INPP4B: variants seen among roughly 807,000 people sequenced by gnomAD.
The protein encoded by INPP4B is inositol polyphosphate-4-phosphatase type II B.
In INPP4B, 55 loss-of-function variants were observed where a neutral mutation model predicts 122.5. That is an observed-to-expected ratio of 0.45 (90% CI 0.36 to 0.56). The LOEUF (loss-of-function observed/expected upper bound fraction) is 0.56, where lower values mean the gene tolerates loss of function less well. Among genes scored for constraint, INPP4B ranks in the 20% least tolerant of loss-of-function variants. The pLI is 0.00. For missense variants in INPP4B, 1,000 were observed against 1,097.7 expected (o/e 0.91, Z 1.26); for synonymous variants, 403 against 388.7 (o/e 1.04, Z -0.43).
intron 2 of INPP4B, among the ~76,000 whole-genome samples, chr4:142,699,595 T>C (rs1761458392): frequency 6.6e-6 from 1 of 152,200 alleles, no homozygotes; most frequent in African/African-American, 2.4e-5. Flanking sequence ...AAATATATTA[T>C]ACATCCCTGA....
At chr4:142,344,419 G>A (rs931419) in intron 7 of INPP4B, among the ~76,000 whole-genome samples, 42,114 of 151,954 alleles carry the variant, frequency 0.28, 7,276 homozygotes, top group Non-Finnish European at 0.39. Context: ...GAAAATGTAT[G>A]TGTGGTGAGT....
intron 15 of INPP4B, among the ~76,000 whole-genome samples, chr4:142,184,374 C>T (rs1426976249): frequency 6.6e-6 from 1 of 152,108 alleles, no homozygotes; most frequent in Non-Finnish European, 1.5e-5. Context: ...AATGTTATAC[C>T]TGCCAAATAG....
chr4:142,477,956 C>T (rs1015179687), intron 2 of INPP4B, among the ~76,000 whole-genome samples: 1 of 152,138 alleles, frequency 6.6e-6, no homozygotes, highest in Non-Finnish European at 1.5e-5. Flanking sequence ...GTATGCACCA[C>T]CACACCTAGC....
intron 2 of INPP4B, among the ~76,000 whole-genome samples, chr4:142,542,342 A>G (rs1298948341): frequency 1.3e-5 from 2 of 152,170 alleles, no homozygotes; most frequent in African/African-American, 2.4e-5. Context: ...CATGGTTCCT[A>G]TGTTCTGATT....
intron 2 of INPP4B, among the ~76,000 whole-genome samples, chr4:142,714,033 G>C (rs1414522890): frequency 1.3e-5 from 2 of 152,092 alleles, no homozygotes; most frequent in East Asian, 3.9e-4. Flanking sequence ...GAAAATGCTG[G>C]ATTAAACAAA....
chr4:142,223,857 T>A (rs1850403757), intron 12 of INPP4B, among the ~76,000 whole-genome samples: 1 of 152,190 alleles, frequency 6.6e-6, no homozygotes, highest in Non-Finnish European at 1.5e-5. Flanking sequence ...TTTTGGATCC[T>A]TCGTTCTTTG....
intron 1 of INPP4B, among the ~76,000 whole-genome samples, chr4:142,835,213 G>C (rs779994910): frequency 6.6e-6 from 1 of 152,166 alleles, no homozygotes. Flanking sequence ...AAGTAGGCCT[G>C]AAGATGCCTC....
intron 1 of INPP4B, among the ~76,000 whole-genome samples, chr4:142,799,610 G>C (rs1318740401): frequency 6.6e-6 from 1 of 151,838 alleles, no homozygotes; most frequent in Non-Finnish European, 1.5e-5. Flanking sequence ...AAAAAGTAAA[G>C]TATAGAAGAG....
Position 142,415,071 on chromosome 4 carries a change from T to G in INPP4B, c.137-9747A>C, listed in dbSNP as rs973180711. Reference sequence around the variant, plus strand: ...AAGGAACCACCTTAATTAAGCCTTTTACCACCCTTTCTCCAGGAGCTGAGG... The same window carrying G: ...AAGGAACCACCTTAATTAAGCCTTTGACCACCCTTTCTCCAGGAGCTGAGG... On this transcript the variant is annotated intron_variant, in intron 5 of 25. Transcript: ENST00000262992. 5.3e-5 allele frequency among the ~76,000 whole-genome samples: 8 copies of G among 152,188 alleles called. 1 individual carries two copies. The highest frequency in any genetic ancestry group is 4.6e-4 in the Admixed American group (7 of 15,254).
At chr4:142,549,828 A>T (rs1727549374) in intron 2 of INPP4B, among the ~76,000 whole-genome samples, 1 of 152,166 alleles carries the variant, frequency 6.6e-6, no homozygotes, top group South Asian at 2.1e-4. Context: ...TTTCCTGGTA[A>T]ATATCTCTTT....
intron 25 of INPP4B, among the ~76,000 whole-genome samples, chr4:142,032,037 A>T (rs1290095654): frequency 6.6e-6 from 1 of 152,226 alleles, no homozygotes; most frequent in African/African-American, 2.4e-5. Context: ...GAGAATTTTA[A>T]ATAGGAAAGT....
intron 1 of INPP4B, among the ~76,000 whole-genome samples, chr4:142,738,907 C>G (rs1310065064): frequency 3.9e-5 from 6 of 152,096 alleles, no homozygotes; most frequent in Non-Finnish European, 5.9e-5. Context: ...GGAAATTCTT[C>G]TCAGGTTTTC....
intron 1 of INPP4B, among the ~76,000 whole-genome samples, chr4:142,840,646 G>A (rs879928125): frequency 4.6e-5 from 7 of 152,026 alleles, no homozygotes; most frequent in Admixed American, 3.9e-4. Flanking sequence ...AATAAATTAT[G>A]TTTAAAAGAA....
chr4:142,347,496 G>A (rs1398310286), intron 7 of INPP4B: 1 of 441,726 alleles, frequency 2.3e-6, no homozygotes, highest in Non-Finnish European at 4.5e-6. Flanking sequence ...GTCAATACTG[G>A]TTTGAACACT....
At chr4:142,597,946 A>G (rs1319728622) in intron 2 of INPP4B, among the ~76,000 whole-genome samples, 4 of 152,224 alleles carry the variant, frequency 2.6e-5, no homozygotes, top group Non-Finnish European at 4.4e-5. Context: ...CAAAAAAATG[A>G]AGACAGTCTT....
At chr4:142,253,305 C>T (rs1733467722) in intron 11 of INPP4B, among the ~76,000 whole-genome samples, 1 of 152,150 alleles carries the variant, frequency 6.6e-6, no homozygotes, top group Non-Finnish European at 1.5e-5. Flanking sequence ...TAGGCTACAA[C>T]ATTTTTAAAA....
At chr4:142,560,069 C>A (rs374341764) in intron 2 of INPP4B, among the ~76,000 whole-genome samples, 1 of 152,122 alleles carries the variant, frequency 6.6e-6, no homozygotes, top group East Asian at 1.9e-4. Flanking sequence ...AGGAAATAAA[C>A]ATAAACAAAT....
intron 1 of INPP4B, among the ~76,000 whole-genome samples, chr4:142,735,587 C>T (rs554358655): frequency 1.3e-5 from 2 of 152,066 alleles, no homozygotes; most frequent in Non-Finnish European, 1.5e-5. Flanking sequence ...AGCCATCGAG[C>T]AAAAGTAAGA....
intron 12 of INPP4B, among the ~76,000 whole-genome samples, chr4:142,229,335 G>A (rs560011478): frequency 1.1e-4 from 17 of 152,158 alleles, no homozygotes; most frequent in African/African-American, 4.1e-4. Context: ...GAAGCATAGT[G>A]TGATTCTCAA....
Sources: allele counts gnomAD v4.1 joint callset (sites outside exome capture counted in the v4.1 genomes callset), GRCh38; gene constraint gnomAD v4.1.1; transcripts MANE v1.5; gene names NCBI Gene and HGNC (gene_info 2026-07-23, HGNC 2026-07-21).